MYO10: variants seen among roughly 807,000 people sequenced by gnomAD.
The protein encoded by MYO10 is unconventional myosin-X.
A neutral mutation model predicts 257.3 loss-of-function variants in MYO10; 133 were observed. That is an observed-to-expected ratio of 0.52 (90% CI 0.45 to 0.60). The LOEUF (loss-of-function observed/expected upper bound fraction) is 0.60. Among genes scored for constraint, MYO10 ranks in the 20% least tolerant of loss-of-function variants. The pLI, the probability that MYO10 is intolerant of heterozygous loss-of-function variation, is 0.00. For synonymous variants in MYO10, 1,104 were observed against 1,028.6 expected, an observed-to-expected ratio of 1.07 and a Z score of -1.40; for missense variants, 2,399 against 2,635.7, an observed-to-expected ratio of 0.91 and a Z score of 1.97.
intron 2 of MYO10, among the ~76,000 whole-genome samples, chr5:16,831,599 T>C (rs1743164567): frequency 6.6e-6 from 1 of 152,182 alleles, no homozygotes; most frequent in South Asian, 2.1e-4. Context: ...GAGACTATTA[T>C]TCTAAGTGAA....
At chr5:16,727,875 C>CA (rs527975903) in intron 19 of MYO10, among the ~76,000 whole-genome samples, 1,086 of 93,820 alleles carry the variant, frequency 0.012, 9 homozygotes, top group East Asian at 0.067. Flanking sequence ...CCCCCCAGCC[C>CA]AAAAAAAAAA....
At chr5:16,872,585 G>A (rs1208630811) in intron 2 of MYO10, among the ~76,000 whole-genome samples, 2 of 152,144 alleles carry the variant, frequency 1.3e-5, no homozygotes, top group South Asian at 2.1e-4. Context: ...ACATCTTTGG[G>A]ATTAAAATAT....
intron 1 of MYO10, chr5:16,902,663 G>A (rs1561050094): frequency 1.7e-6 from 2 of 1,166,694 alleles, no homozygotes; most frequent in Non-Finnish European, 2.5e-6. Flanking sequence ...GGACCGGAGA[G>A]AGGCCCGGCT....
intron 2 of MYO10, among the ~76,000 whole-genome samples, chr5:16,861,751 C>T (rs77002795): frequency 1.3e-5 from 2 of 152,120 alleles, no homozygotes; most frequent in Non-Finnish European, 2.9e-5. Flanking sequence ...AAGACACCAA[C>T]TCCCATTACC....
chr5:16,687,801 C>T (rs1349590539), intron 28 of MYO10, among the ~76,000 whole-genome samples: 1 of 152,102 alleles, frequency 6.6e-6, no homozygotes, highest in Non-Finnish European at 1.5e-5. Flanking sequence ...AGCAAGACTT[C>T]ATTGCTTTGC....
chr5:16,917,005 G>A (rs145600391), intron 1 of MYO10, among the ~76,000 whole-genome samples: 3 of 152,010 alleles, frequency 2.0e-5, no homozygotes, highest in Non-Finnish European at 2.9e-5. Flanking sequence ...CTGTTCCTTC[G>A]CTTCTTAGGA....
chr5:16,795,110 G>A (rs1198134572), intron 3 of MYO10, among the ~76,000 whole-genome samples: 5 of 152,150 alleles, frequency 3.3e-5, no homozygotes, highest in African/African-American at 7.2e-5. Flanking sequence ...CCTGCTCCCC[G>A]CTGACCTCAC....
chr5:16,821,084 T>C (rs1003366622), intron 2 of MYO10, among the ~76,000 whole-genome samples: 4 of 147,340 alleles, frequency 2.7e-5, no homozygotes, highest in African/African-American at 7.4e-5. Flanking sequence ...ATGTTTTATA[T>C]ACATATAATG....
chr5:16,836,120 G>A (rs191674204), intron 2 of MYO10, among the ~76,000 whole-genome samples: 444 of 152,294 alleles, frequency 2.9e-3, no homozygotes, highest in Middle Eastern at 0.01. Flanking sequence ...GCATACTATC[G>A]TCAGTATCCT....
chr5:16,754,995 T>A, intron 18 of MYO10, 87 bp from the exon 19 acceptor site: 1 of 790,602 alleles, frequency 1.3e-6, no homozygotes. Flanking sequence ...AAACAATAAT[T>A]TAAAAAACAC....
At chr5:16,805,266 C>T (rs937717257) in intron 3 of MYO10, among the ~76,000 whole-genome samples, 13 of 151,916 alleles carry the variant, frequency 8.6e-5, no homozygotes, top group Admixed American at 2.6e-4. Context: ...AGTTCAAGAC[C>T]AGCCTGGCCA....
chr5:16,930,141 A>T (rs1344844025), intron 1 of MYO10, among the ~76,000 whole-genome samples: 2 of 152,236 alleles, frequency 1.3e-5, no homozygotes, highest in African/African-American at 4.8e-5. Flanking sequence ...TCTAGCTAAC[A>T]GCAGTAAATC....
At chr5:16,709,651 C>T (rs565455949) in intron 21 of MYO10, among the ~76,000 whole-genome samples, 1 of 152,192 alleles carries the variant, frequency 6.6e-6, no homozygotes, top group African/African-American at 2.4e-5. Context: ...AAGAACAAAG[C>T]CCCAAGATAC....
At position 16,741,951 on chromosome 5, in the gene MYO10, G is replaced by A. The variant is rs144012975; in HGVS notation, c.1929+12877C>T. The A allele has an allele frequency of 4.4e-4, 437 of 985,304 alleles. 4 individuals are homozygous for A. In the African/African-American group the frequency reaches 7.3e-3, roughly 17 times the overall value. The allele number at this position is 985,304 out of a possible 1,614,324, so 61.0% of individuals were successfully genotyped here. A position where few individuals can be genotyped will look rare whatever the true frequency, so the allele number is the denominator to read the frequency against. Reference sequence around the variant, plus strand: ...CCCAGCCTTTTATGTGGTGCGTCTCGGGCTGTGCTGCTTAATTCATTCCTG... The same window carrying A: ...CCCAGCCTTTTATGTGGTGCGTCTCAGGCTGTGCTGCTTAATTCATTCCTG... On this transcript the variant is annotated intron_variant, in intron 19 of 40. Coordinates refer to ENST00000513610, the MANE Select transcript of MYO10 (RefSeq NM_012334.3).
At chr5:16,673,542 C>A in intron 36 of MYO10, 140 bp downstream of exon 36, 2 of 764,582 alleles carry the variant, frequency 2.6e-6, no homozygotes, top group Non-Finnish European at 4.2e-6. Flanking sequence ...GGGTTACATG[C>A]ATTTCCTTAG....
chr5:16,668,782 C>T (rs1031752548), intron 39 of MYO10, among the ~76,000 whole-genome samples: 5 of 152,166 alleles, frequency 3.3e-5, no homozygotes, highest in African/African-American at 9.7e-5. Flanking sequence ...GGCCTGGAAA[C>T]GTACATGCTT....
At chr5:16,829,193 G>A (rs1385530577) in intron 2 of MYO10, among the ~76,000 whole-genome samples, 3 of 152,192 alleles carry the variant, frequency 2.0e-5, no homozygotes, top group Non-Finnish European at 4.4e-5. Flanking sequence ...ATCTGTGGTT[G>A]AGCGTGGCTG....
chr5:16,683,938 G>A lies in MYO10; in HGVS notation c.3991-3C>T, dbSNP rs1262712427. 4 of 1,612,800 alleles carry A rather than the reference G, an allele frequency of 2.5e-6. No homozygotes were observed. The highest frequency in any genetic ancestry group is 3.4e-6 in the Non-Finnish European group (4 of 1,179,524). ...ATCAGCCCCACATCCAAGGTGCCCT[G>A]GAAAAGAACAAAAAGTAAACAGAAT... On this transcript the variant is annotated splice_region_variant and splice_polypyrimidine_tract_variant and intron_variant, in intron 29 of 40. Transcript: ENST00000513610.
At chr5:16,873,227 G>C (rs1303018606) in intron 2 of MYO10, among the ~76,000 whole-genome samples, 2 of 152,212 alleles carry the variant, frequency 1.3e-5, no homozygotes, top group Non-Finnish European at 2.9e-5. Flanking sequence ...CCAAAACAAA[G>C]AGGTTACAGG....
Sources: gnomAD v4.1 joint callset for allele counts (sites outside exome capture counted in the v4.1 genomes callset) on GRCh38, gnomAD v4.1.1 for gene constraint, MANE v1.5 for transcripts, NCBI Gene and HGNC (gene_info 2026-07-23, HGNC 2026-07-21) for gene names.